Variants in WWOX observed in about 807,000 individuals in gnomAD.
WWOX encodes the protein WW domain containing oxidoreductase.
WWOX carries 69 observed loss-of-function variants against 46.2 expected under a neutral mutation model. That is an observed-to-expected ratio of 1.49 (90% CI 1.23 to 1.82). The LOEUF (loss-of-function observed/expected upper bound fraction) is 1.82, where lower values mean the gene tolerates loss of function less well. Among genes scored for constraint, WWOX ranks in the 40% most tolerant of loss-of-function variants. WWOX has a pLI of 0.00. For missense variants in WWOX, 919 were observed against 542.6 expected (o/e 1.69, Z -6.89); for synonymous variants, 359 against 202.6 (o/e 1.77, Z -6.56).
chr16:79,195,627 G>A lies in WWOX; in HGVS notation c.1057-15981G>A, dbSNP rs12447474. ...CAGGGTATATTCATGTAAGTGAGGT[G>A]CAGGGATGGGGGAAAGGGAGAAGGT... On this transcript the variant is annotated intron_variant, in intron 8 of 8. Transcript: ENST00000566780. Among the ~76,000 whole-genome samples, 445 of 152,330 alleles carry A rather than the reference G, an allele frequency of 2.9e-3. 3 individuals carry two copies. The highest frequency in any genetic ancestry group is 0.023 in the Admixed American group (348 of 15,304).
At chr16:78,172,625 C>T (rs2035201269) in intron 5 of WWOX, among the ~76,000 whole-genome samples, 2 of 149,138 alleles carry the variant, frequency 1.3e-5, no homozygotes. Context: ...CGCTCGCAGT[C>T]TTGAACCGAA....
At chr16:78,868,422 C>G (rs1368681101) in intron 8 of WWOX, among the ~76,000 whole-genome samples, 2 of 151,786 alleles carry the variant, frequency 1.3e-5, no homozygotes, top group African/African-American at 2.4e-5. Flanking sequence ...TTTGGGGGGT[C>G]AAGAAAATGT....
intron 4 of WWOX, among the ~76,000 whole-genome samples, chr16:78,120,052 A>AT (rs2033008708): frequency 6.6e-6 from 1 of 152,096 alleles, no homozygotes; most frequent in Non-Finnish European, 1.5e-5. Flanking sequence ...CTGCAAACAA[A>AT]TACAAGCTGG....
At chr16:78,660,620 T>G (rs2047187908) in intron 8 of WWOX, among the ~76,000 whole-genome samples, 1 of 152,100 alleles carries the variant, frequency 6.6e-6, no homozygotes, top group Non-Finnish European at 1.5e-5. Context: ...CCCTACTCAC[T>G]TGGGGGAAAA....
chr16:78,740,270 C>G (rs940926663), intron 8 of WWOX, among the ~76,000 whole-genome samples: 1 of 152,182 alleles, frequency 6.6e-6, no homozygotes. Flanking sequence ...GCGACTCAGA[C>G]GGCTGCCTGC....
intron 5 of WWOX, among the ~76,000 whole-genome samples, chr16:78,268,049 A>T (rs1400190227): frequency 6.6e-6 from 1 of 151,978 alleles, no homozygotes; most frequent in Non-Finnish European, 1.5e-5. Flanking sequence ...GAACCCCTTG[A>T]CTCAAGCGAT....
intron 8 of WWOX, among the ~76,000 whole-genome samples, chr16:78,624,706 A>T (rs2046271549): frequency 6.6e-6 from 1 of 152,216 alleles, no homozygotes; most frequent in South Asian, 2.1e-4. Flanking sequence ...GTTGCCTTTC[A>T]TGAACATAAT....
intron 8 of WWOX, among the ~76,000 whole-genome samples, chr16:78,764,535 C>G (rs1022061545): frequency 4.9e-5 from 7 of 143,148 alleles, no homozygotes; most frequent in East Asian, 2.1e-4. Flanking sequence ...CTTTCTGCCT[C>G]TTGTGTTGAC....
At chr16:78,832,580 G>A (rs866535365) in intron 8 of WWOX, among the ~76,000 whole-genome samples, 4 of 152,112 alleles carry the variant, frequency 2.6e-5, no homozygotes, top group African/African-American at 9.7e-5. Context: ...TCACTGGTTC[G>A]GCTATTGGCA....
chr16:78,886,715 A>G (rs907277962), intron 8 of WWOX, among the ~76,000 whole-genome samples: 8 of 151,476 alleles, frequency 5.3e-5, no homozygotes, highest in Non-Finnish European at 1.0e-4. Flanking sequence ...ACATATAGAG[A>G]AAGAATATGT....
chr16:78,912,989 G>A (rs2045151455), intron 8 of WWOX, among the ~76,000 whole-genome samples: 1 of 152,014 alleles, frequency 6.6e-6, no homozygotes, highest in African/African-American at 2.4e-5. Context: ...CATCCCAGAA[G>A]GATGATTAGC....
rs181109365 is a variant in WWOX at position 78,774,842 on chromosome 16, T to G, written c.1056+342090T>G. ...CTTGTGCTTCCTATCACATGCCCAT[T>G]CTGCAAGTCCATCCCCTTATTGAGC... On this transcript the variant is annotated intron_variant, in intron 8 of 8. Coordinates refer to ENST00000566780, the MANE Select transcript of WWOX (RefSeq NM_016373.4). Among the ~76,000 whole-genome samples the G allele has an allele frequency of 5.9e-5, 9 of 152,292 alleles. No individual in the cohort carries two copies. In the East Asian group the frequency reaches 1.7e-3, roughly 29 times the overall value.
At chr16:78,204,886 C>A (rs182506040) in intron 5 of WWOX, among the ~76,000 whole-genome samples, 22 of 152,168 alleles carry the variant, frequency 1.4e-4, no homozygotes, top group Non-Finnish European at 2.8e-4. Flanking sequence ...TAAATTTAGA[C>A]CACCATATTT....
intron 5 of WWOX, among the ~76,000 whole-genome samples, chr16:78,326,580 C>CT (rs2080625822): frequency 1.5e-5 from 1 of 66,748 alleles, no homozygotes; most frequent in Admixed American, 1.5e-4. Flanking sequence ...TCCCCCCGCC[C>CT]CCCCCCCCCG....
At chr16:78,612,692 C>G (rs1488003564) in intron 8 of WWOX, among the ~76,000 whole-genome samples, 2 of 152,090 alleles carry the variant, frequency 1.3e-5, no homozygotes, top group Non-Finnish European at 2.9e-5. Context: ...CCAGGCTGGT[C>G]TCAAACTCCT....
intron 8 of WWOX, among the ~76,000 whole-genome samples, chr16:78,650,694 A>G (rs77373201): frequency 0.056 from 8,542 of 152,280 alleles, 323 homozygotes; most frequent in South Asian, 0.17. Flanking sequence ...AGAGGCCAAC[A>G]TGGACTTTTA....
intron 7 of WWOX, among the ~76,000 whole-genome samples, chr16:78,429,996 A>G (rs1399605292): frequency 2.0e-5 from 3 of 152,168 alleles, no homozygotes; most frequent in Non-Finnish European, 2.9e-5. Flanking sequence ...GCCTGACTAT[A>G]TTAGTCTGTT....
intron 8 of WWOX, among the ~76,000 whole-genome samples, chr16:79,181,538 G>A (rs929352769): frequency 6.6e-6 from 1 of 151,848 alleles, no homozygotes; most frequent in African/African-American, 2.4e-5. Context: ...TCCTCGTATT[G>A]TTGAAAACTC....
At chr16:78,825,911 C>A in intron 8 of WWOX, 1 of 715,756 alleles carries the variant, frequency 1.4e-6, no homozygotes, top group Non-Finnish European at 2.5e-6. Context: ...CATCATGGAA[C>A]CCAAAGATGA....
Sources: gnomAD v4.1 joint callset for allele counts (sites outside exome capture counted in the v4.1 genomes callset) on GRCh38, gnomAD v4.1.1 for gene constraint, MANE v1.5 for transcripts, NCBI Gene and HGNC (gene_info 2026-07-23, HGNC 2026-07-21) for gene names.